The following RSRC1 variants were observed in gnomAD, a reference collection of about 807,000 sequenced individuals.
The protein encoded by RSRC1 is arginine and serine rich coiled-coil 1.
In RSRC1, 39 loss-of-function variants were observed where a neutral mutation model predicts 49.1. The ratio of observed to expected loss-of-function variants is 0.79; its 90% confidence interval spans 0.61 to 1.04. RSRC1 has a LOEUF of 1.04. RSRC1 is among the 50% of genes least tolerant of loss of function. RSRC1 has a pLI of 0.00. For synonymous variants in RSRC1, 143 were observed against 130.8 expected (o/e 1.09, Z -0.63); for missense variants, 388 against 402.4 (o/e 0.96, Z 0.31).
chr3:158,197,207 A>C (rs1005881173), intron 3 of RSRC1, among the ~76,000 whole-genome samples: 25 of 152,288 alleles, frequency 1.6e-4, no homozygotes, highest in African/African-American at 4.1e-4. Context: ...CAGGGATTCA[A>C]CTTCTTCCTG....
intron 7 of RSRC1, among the ~76,000 whole-genome samples, chr3:158,518,114 G>GCATATA (rs1203824123): frequency 2.6e-5 from 2 of 77,594 alleles, no homozygotes; most frequent in African/African-American, 1.6e-4. Context: ...GTGTGTGTGT[G>GCATATA]TGTGTGTGTG....
intron 6 of RSRC1, among the ~76,000 whole-genome samples, chr3:158,388,275 T>G (rs1733069399): frequency 6.6e-6 from 1 of 152,006 alleles, no homozygotes. Flanking sequence ...TTAGACATAA[T>G]GAGATTATTT....
At chr3:158,476,350 C>T (rs1738367651) in intron 7 of RSRC1, among the ~76,000 whole-genome samples, 1 of 152,132 alleles carries the variant, frequency 6.6e-6, no homozygotes, top group South Asian at 2.1e-4. Flanking sequence ...ATTTTCAATG[C>T]GGAGCAAACA....
chr3:158,538,329 T>C (rs1397461250), intron 8 of RSRC1, among the ~76,000 whole-genome samples: 1 of 151,926 alleles, frequency 6.6e-6, no homozygotes, highest in Admixed American at 6.6e-5. Flanking sequence ...GCCATTTTGT[T>C]GATTTCCTTT....
At chr3:158,201,760 T>G (rs1471083311) in intron 3 of RSRC1, among the ~76,000 whole-genome samples, 1 of 152,222 alleles carries the variant, frequency 6.6e-6, no homozygotes, top group African/African-American at 2.4e-5. Flanking sequence ...CTAGTTACAC[T>G]TAATGCTTTA....
intron 6 of RSRC1, among the ~76,000 whole-genome samples, chr3:158,361,404 G>C (rs899875507): frequency 5.3e-5 from 8 of 152,272 alleles, no homozygotes; most frequent in Admixed American, 2.0e-4. Flanking sequence ...TCTGGGCCTT[G>C]GGGCGGGTCT....
intron 4 of RSRC1, among the ~76,000 whole-genome samples, chr3:158,210,117 A>G (rs943083165): frequency 1.4e-4 from 21 of 152,120 alleles, no homozygotes; most frequent in African/African-American, 5.1e-4. Context: ...TGTTATTTAT[A>G]CAGCAGGAAG....
At chr3:158,328,677 A>C (rs1260528652) in intron 5 of RSRC1, among the ~76,000 whole-genome samples, 2 of 151,842 alleles carry the variant, frequency 1.3e-5, no homozygotes, top group African/African-American at 4.8e-5. Flanking sequence ...TTTTTCCTTC[A>C]TTTCAACTTT....
At chr3:158,395,551 A>G (rs986206294) in intron 6 of RSRC1, among the ~76,000 whole-genome samples, 1 of 152,182 alleles carries the variant, frequency 6.6e-6, no homozygotes, top group Admixed American at 6.6e-5. Flanking sequence ...GAAGACATAC[A>G]TGCACCCAAC....
chr3:158,227,640 T>G (rs1313786324), intron 4 of RSRC1, among the ~76,000 whole-genome samples: 1 of 151,998 alleles, frequency 6.6e-6, no homozygotes, highest in Non-Finnish European at 1.5e-5. Flanking sequence ...TCTAGAAGAA[T>G]CATATGTTAC....
At chr3:158,514,424 GTTTTGAGTGAGA>G (rs1170232088) in intron 7 of RSRC1, among the ~76,000 whole-genome samples, 1 of 152,196 alleles carries the variant, frequency 6.6e-6, no homozygotes, top group African/African-American at 2.4e-5. Context: ...TAGTTGAGCG[GTTTTGAGTGAGA>G]TTCCTAATCC....
chr3:158,417,420 A>G (rs925653344), intron 6 of RSRC1, among the ~76,000 whole-genome samples: 1 of 152,008 alleles, frequency 6.6e-6, no homozygotes, highest in African/African-American at 2.4e-5. Context: ...TGTAGCTTTT[A>G]TGTAGAAATC....
At chr3:158,472,621 T>C (rs1383492500) in intron 7 of RSRC1, among the ~76,000 whole-genome samples, 1 of 152,200 alleles carries the variant, frequency 6.6e-6, no homozygotes, top group Non-Finnish European at 1.5e-5. Flanking sequence ...TATAAAAGGA[T>C]GACTGCATAA....
intron 6 of RSRC1, among the ~76,000 whole-genome samples, chr3:158,378,199 A>C (rs373709965): frequency 1.3e-5 from 2 of 152,164 alleles, no homozygotes; most frequent in East Asian, 3.9e-4. Context: ...GAGATTTTCA[A>C]TTTTTAATTC....
intron 7 of RSRC1, among the ~76,000 whole-genome samples, chr3:158,531,710 C>T (rs1712411909): frequency 6.6e-6 from 1 of 151,762 alleles, no homozygotes; most frequent in African/African-American, 2.4e-5. Context: ...TCTCGAACAA[C>T]CTCAAAATGT....
At chr3:158,443,713 G>A (rs1478017308) in intron 6 of RSRC1, among the ~76,000 whole-genome samples, 1 of 152,130 alleles carries the variant, frequency 6.6e-6, no homozygotes, top group South Asian at 2.1e-4. Flanking sequence ...TTCACAATGT[G>A]TTGCACTATT....
intron 6 of RSRC1, among the ~76,000 whole-genome samples, chr3:158,371,117 A>G (rs1362571154): frequency 6.6e-6 from 1 of 151,864 alleles, no homozygotes; most frequent in East Asian, 1.9e-4. Context: ...GCCTGTTTTT[A>G]AAAGAAATTA....
intron 3 of RSRC1, among the ~76,000 whole-genome samples, chr3:158,193,639 G>A (rs960255285): frequency 2.0e-5 from 3 of 151,956 alleles, no homozygotes; most frequent in African/African-American, 7.3e-5. Flanking sequence ...TATTGTTATT[G>A]CTTTTTTATC....
At chr3:158,347,873 T>C (rs942713875) in intron 5 of RSRC1, among the ~76,000 whole-genome samples, 17 of 152,128 alleles carry the variant, frequency 1.1e-4, no homozygotes, top group African/African-American at 3.6e-4. Context: ...TTTCTCTTTT[T>C]ATTTTTTTTA....
Sources: gnomAD v4.1 joint callset for allele counts (sites outside exome capture counted in the v4.1 genomes callset) on GRCh38, gnomAD v4.1.1 for gene constraint, MANE v1.5 for transcripts, NCBI Gene and HGNC (gene_info 2026-07-23, HGNC 2026-07-21) for gene names.